The following UVRAG variants were observed in gnomAD, a reference collection of about 807,000 sequenced individuals.
UVRAG encodes UV radiation resistance-associated gene protein.
In UVRAG, 19 loss-of-function variants were observed where a neutral mutation model predicts 78.0. The ratio of observed to expected loss-of-function variants is 0.24; its 90% CI spans 0.17 to 0.36. UVRAG has a LOEUF of 0.36. Among genes scored for constraint, UVRAG ranks in the 10% least tolerant of loss-of-function variants. The pLI, the probability that UVRAG is intolerant of heterozygous loss-of-function variation, is 1.00. For synonymous variants in UVRAG, 323 were observed against 324.6 expected (o/e 1.00, Z 0.05); for missense variants, 740 against 853.8 (o/e 0.87, Z 1.66).
intron 13 of UVRAG, among the ~76,000 whole-genome samples, chr11:76,094,745 T>C (rs1447722474): frequency 6.6e-6 from 1 of 152,244 alleles, no homozygotes; most frequent in Non-Finnish European, 1.5e-5. Context: ...TTGTTTCTTC[T>C]CTCTTTTCTT....
chr11:75,932,011 T>C (rs1006149626), intron 6 of UVRAG, among the ~76,000 whole-genome samples: 1 of 151,048 alleles, frequency 6.6e-6, no homozygotes, highest in African/African-American at 2.5e-5. Flanking sequence ...GGTCCAGTGG[T>C]CCAATGGATG....
At chr11:76,050,441 A>G (rs1388486671) in intron 12 of UVRAG, among the ~76,000 whole-genome samples, 2 of 152,200 alleles carry the variant, frequency 1.3e-5, no homozygotes, top group Non-Finnish European at 2.9e-5. Flanking sequence ...CCCACTTTCA[A>G]TAAGAATCTG....
chr11:76,107,827 C>T (rs1045886391), intron 13 of UVRAG, among the ~76,000 whole-genome samples: 2 of 151,318 alleles, frequency 1.3e-5, no homozygotes, highest in African/African-American at 4.9e-5. Flanking sequence ...TAGTTCTTTT[C>T]ATGTCAGTGA....
intron 3 of UVRAG, among the ~76,000 whole-genome samples, chr11:75,867,946 TACAATG>T (rs566920785): frequency 1.0e-3 from 153 of 152,344 alleles, no homozygotes; most frequent in African/African-American, 3.5e-3. Context: ...TGCGTGTAGA[TACAATG>T]ACACTGGATG....
At chr11:75,873,026 A>G (rs1331896483) in intron 3 of UVRAG, among the ~76,000 whole-genome samples, 1 of 152,226 alleles carries the variant, frequency 6.6e-6, no homozygotes. Context: ...GTGATGTGTC[A>G]TGCCAGGTGC....
At chr11:76,080,263 G>A (rs774044194) in intron 13 of UVRAG, among the ~76,000 whole-genome samples, 1 of 152,204 alleles carries the variant, frequency 6.6e-6, no homozygotes, top group Non-Finnish European at 1.5e-5. Context: ...AGATTAGGTA[G>A]CATAGAAATA....
intron 11 of UVRAG, among the ~76,000 whole-genome samples, chr11:76,011,299 A>G (rs1950045922): frequency 6.6e-6 from 1 of 152,214 alleles, no homozygotes; most frequent in Non-Finnish European, 1.5e-5. Context: ...CAGAAATTTT[A>G]AGAAGCACAT....
At chr11:76,080,213 A>G (rs1951471647) in intron 13 of UVRAG, among the ~76,000 whole-genome samples, 1 of 152,228 alleles carries the variant, frequency 6.6e-6, no homozygotes, top group Non-Finnish European at 1.5e-5. Flanking sequence ...GGGGACATTT[A>G]AAACATAGCA....
In UVRAG at chr11:75,862,181, C is replaced by T. The variant is rs529076133; in HGVS notation, c.270+401C>T. 2.0e-5 allele frequency among the ~76,000 whole-genome samples: 3 copies of T among 152,302 alleles called. No homozygotes were observed. The South Asian group carries it at 6.2e-4, about 32-fold the overall frequency. The stretch of plus-strand genomic sequence containing the variant: ...AAAAACTCAAATTCTATAGTTTTCT[C>T]ACTTCCATTTCCTATAAATAAGTTT... On this transcript the variant is annotated intron_variant, in intron 3 of 14. Coordinates refer to ENST00000356136, the MANE Select transcript of UVRAG (RefSeq NM_003369.4).
intron 9 of UVRAG, among the ~76,000 whole-genome samples, chr11:76,004,838 C>T (rs974073858): frequency 3.3e-5 from 5 of 152,048 alleles, no homozygotes; most frequent in Non-Finnish European, 7.4e-5. Flanking sequence ...TTCAAATAGC[C>T]TGTAATAAAT....
At chr11:76,101,960 G>A (rs990320268) in intron 13 of UVRAG, among the ~76,000 whole-genome samples, 6 of 152,080 alleles carry the variant, frequency 3.9e-5, no homozygotes, top group African/African-American at 1.2e-4. Flanking sequence ...GTACCAGTAC[G>A]ATGCTGTTTG....
At chr11:75,898,957 A>G (rs781473055) in intron 5 of UVRAG, among the ~76,000 whole-genome samples, 3 of 152,144 alleles carry the variant, frequency 2.0e-5, no homozygotes, top group Admixed American at 6.5e-5. Context: ...AGAAGTAGGG[A>G]TTAACTGTCC....
At chr11:75,852,199 C>G (rs974135512) in intron 2 of UVRAG, among the ~76,000 whole-genome samples, 199 bp downstream of exon 2, 3 of 152,120 alleles carry the variant, frequency 2.0e-5, no homozygotes, top group African/African-American at 7.2e-5. Flanking sequence ...ATAACTGAGC[C>G]TTACATTGAT....
intron 14 of UVRAG, among the ~76,000 whole-genome samples, chr11:76,131,063 A>G (rs1823436260): frequency 6.6e-6 from 1 of 150,734 alleles, no homozygotes; most frequent in Admixed American, 6.6e-5. Flanking sequence ...TGTTCTTTCC[A>G]TGTTCTCGTG....
chr11:76,087,166 A>T (rs981057581), intron 13 of UVRAG, among the ~76,000 whole-genome samples: 2 of 152,228 alleles, frequency 1.3e-5, no homozygotes, highest in South Asian at 2.1e-4. Flanking sequence ...ACATGCGCAC[A>T]CACATACATG....
intron 12 of UVRAG, among the ~76,000 whole-genome samples, chr11:76,064,534 A>G (rs1951152395): frequency 6.6e-6 from 1 of 152,116 alleles, no homozygotes; most frequent in African/African-American, 2.4e-5. Context: ...TGTCTTCTTG[A>G]TGGGTGTGTG....
intron 1 of UVRAG, among the ~76,000 whole-genome samples, chr11:75,845,302 C>G (rs79787302): frequency 0.014 from 2,177 of 152,294 alleles, 30 homozygotes; most frequent in Non-Finnish European, 0.019. Context: ...CCTGAAGCTA[C>G]CACTGTAGTA....
intron 8 of UVRAG, among the ~76,000 whole-genome samples, chr11:76,002,730 C>T (rs1298236761): frequency 6.6e-6 from 1 of 152,012 alleles, no homozygotes; most frequent in Non-Finnish European, 1.5e-5. Context: ...GGTCAGAGTT[C>T]CCAACTTACT....
intron 7 of UVRAG, among the ~76,000 whole-genome samples, chr11:75,976,357 G>A (rs1036568702): frequency 1.3e-5 from 2 of 152,132 alleles, no homozygotes; most frequent in Non-Finnish European, 2.9e-5. Flanking sequence ...GCCAGGCTTT[G>A]GTATCAGGAT....
Sources: gnomAD v4.1 joint callset for allele counts (sites outside exome capture counted in the v4.1 genomes callset) on GRCh38, gnomAD v4.1.1 for gene constraint, MANE v1.5 for transcripts, NCBI Gene and HGNC (gene_info 2026-07-23, HGNC 2026-07-21) for gene names.